Variants in PLXNA4 observed in about 807,000 individuals in gnomAD.
PLXNA4 encodes plexin A4, also known as plexin-A4.
PLXNA4 carries 44 observed loss-of-function variants against 191.8 expected under a neutral mutation model. That is an observed-to-expected ratio of 0.23 (90% confidence interval 0.18 to 0.29). The LOEUF (loss-of-function observed/expected upper bound fraction) is 0.29, where lower values mean the gene tolerates loss of function less well. PLXNA4 is among the 10% of genes least tolerant of loss of function. The pLI is 1.00. For missense variants in PLXNA4, 1,800 were observed against 2,488.8 expected, an observed-to-expected ratio of 0.72 and a Z score of 5.89; for synonymous variants, 1,082 against 1,009.5, an observed-to-expected ratio of 1.07 and a Z score of -1.36.
At chr7:132,645,522 T>C (rs980731334) in intron 2 of PLXNA4, among the ~76,000 whole-genome samples, 2 of 152,162 alleles carry the variant, frequency 1.3e-5, no homozygotes, top group African/African-American at 2.4e-5. Flanking sequence ...AATTACCCAG[T>C]CTTGGTTGTT....
intron 3 of PLXNA4, among the ~76,000 whole-genome samples, chr7:132,334,837 G>A (rs1370705863): frequency 6.6e-6 from 1 of 152,160 alleles, no homozygotes; most frequent in Non-Finnish European, 1.5e-5. Context: ...GCATTGAATG[G>A]CGCCATAACA....
At chr7:132,609,122 G>A (rs1474447841) in intron 2 of PLXNA4, among the ~76,000 whole-genome samples, 1 of 152,118 alleles carries the variant, frequency 6.6e-6, no homozygotes, top group African/African-American at 2.4e-5. Context: ...TTCCCAGTGG[G>A]ATTCATCACA....
intron 1 of PLXNA4, among the ~76,000 whole-genome samples, chr7:132,562,130 C>T (rs1326488018): frequency 8.6e-6 from 1 of 116,646 alleles, no homozygotes; most frequent in Non-Finnish European, 1.7e-5. Flanking sequence ...TCTCCTCCTC[C>T]TTCTCTCCTT....
intron 3 of PLXNA4, among the ~76,000 whole-genome samples, chr7:132,425,875 A>G (rs984840911): frequency 6.6e-6 from 1 of 152,180 alleles, no homozygotes; most frequent in Admixed American, 6.5e-5. Flanking sequence ...TCCCTCAGAC[A>G]GTTCCAGTGG....
At position 132,608,568 on chromosome 7, in the gene PLXNA4, T is replaced by C. The variant is rs550810197; in HGVS notation, c.-87+37360A>G. Among the ~76,000 whole-genome samples the C allele has an allele frequency of 2.6e-5, 4 of 152,248 alleles. No individual in the cohort carries two copies. In the East Asian group the frequency reaches 7.7e-4, roughly 29 times the overall value. Reference sequence around the variant, plus strand: ...AAGAAAGTCATAAGGCATTCACCCTTTGCCCTCTGACACTTACCCTGTGGC... The same window carrying C: ...AAGAAAGTCATAAGGCATTCACCCTCTGCCCTCTGACACTTACCCTGTGGC... On this transcript the variant is annotated intron_variant, in intron 2 of 4. Transcript: ENST00000378539.
At chr7:132,475,240 G>A (rs1346130212) in intron 3 of PLXNA4, among the ~76,000 whole-genome samples, 2 of 152,206 alleles carry the variant, frequency 1.3e-5, no homozygotes, top group Middle Eastern at 3.4e-3. Flanking sequence ...GCCCCTCCCA[G>A]CCCTCCTTGG....
At chr7:132,525,304 C>T (rs1239152051) in intron 1 of PLXNA4, among the ~76,000 whole-genome samples, 5 of 152,172 alleles carry the variant, frequency 3.3e-5, no homozygotes, top group South Asian at 2.1e-4. Flanking sequence ...GGCTGGCATG[C>T]AGTGGCATAA....
chr7:132,390,473 G>T (rs895032329), intron 3 of PLXNA4, among the ~76,000 whole-genome samples: 1 of 152,042 alleles, frequency 6.6e-6, no homozygotes, highest in African/African-American at 2.4e-5. Flanking sequence ...GTAGATGACC[G>T]GTTGATGAGT....
intron 1 of PLXNA4, among the ~76,000 whole-genome samples, chr7:132,575,598 C>T (rs1802189814): frequency 6.6e-6 from 1 of 152,148 alleles, no homozygotes; most frequent in East Asian, 1.9e-4. Flanking sequence ...AGAGGGGACC[C>T]AAGTCCTGTG....
In PLXNA4 at chr7:132,123,818, C is replaced by G. The variant is rs1488162513; in HGVS notation, c.*6661G>C. On this transcript the variant is annotated 3_prime_UTR_variant, in exon 32 of 32. Coordinates refer to ENST00000321063, the MANE Select transcript of PLXNA4 (RefSeq NM_020911.2). Reference sequence around the variant, plus strand: ...TGTGACTCAAAGACCCCTGCCGGTTCCTTAAACCACCCTTCCATCCTGTTT... The same window carrying G: ...TGTGACTCAAAGACCCCTGCCGGTTGCTTAAACCACCCTTCCATCCTGTTT... 1.3e-5 allele frequency: 2 copies of G among 152,272 alleles called. No homozygotes were observed. Among genetic ancestry groups the G allele is most frequent in the Non-Finnish European group, 2.9e-5 (2 of 68,108 alleles). 9.4% of individuals were successfully genotyped at this position (152,272 alleles called of 1,614,324 possible). A position where few individuals can be genotyped will look rare whatever the true frequency, so the allele number is the denominator to read the frequency against.
chr7:132,581,808 A>C (rs1163908641), upstream of PLXNA4, among the ~76,000 whole-genome samples: 2 of 151,278 alleles, frequency 1.3e-5, no homozygotes, highest in Non-Finnish European at 2.9e-5. Flanking sequence ...TCCAAGTCTT[A>C]CTCCCCTTCC....
chr7:132,187,690 C>A, intron 14 of PLXNA4, 83 bp from the exon 15 acceptor site: 1 of 1,485,068 alleles, frequency 6.7e-7, no homozygotes, highest in Middle Eastern at 2.2e-4. Context: ...GCACCCCACT[C>A]CCCCAAGCTG....
chr7:132,428,164 G>A (rs1209060698), intron 3 of PLXNA4, among the ~76,000 whole-genome samples: 1 of 152,130 alleles, frequency 6.6e-6, no homozygotes, highest in Non-Finnish European at 1.5e-5. Flanking sequence ...AGAGAACCCT[G>A]CAGTGAAGGG....
intron 2 of PLXNA4, among the ~76,000 whole-genome samples, chr7:132,634,899 A>T (rs1281431527): frequency 6.6e-6 from 1 of 152,194 alleles, no homozygotes; most frequent in Non-Finnish European, 1.5e-5. Context: ...GGGCCAGGAA[A>T]GGCAGGCCCA....
Position 132,146,718 on chromosome 7 carries a change from AC to A in PLXNA4, c.4865-19del, listed in dbSNP as rs544505364. 64 of 1,611,520 alleles carry A rather than the reference AC, an allele frequency of 4.0e-5. No individual in the cohort carries two copies. In the East Asian group the frequency reaches 1.2e-3, roughly 29 times the overall value. ...CATGTTTTCTGCCAAGGCAAGGATCACCCCCCGACATATGTGAGGCCACACA... is the reference window on the plus strand; with the variant it reads ...CATGTTTTCTGCCAAGGCAAGGATCACCCCCGACATATGTGAGGCCACACA... On this transcript the variant is annotated intron_variant, in intron 27 of 31. Coordinates refer to ENST00000321063, the MANE Select transcript of PLXNA4 (RefSeq NM_020911.2).
chr7:132,601,627 C>G (rs1259822687), intron 2 of PLXNA4, among the ~76,000 whole-genome samples: 1 of 152,164 alleles, frequency 6.6e-6, no homozygotes, highest in Non-Finnish European at 1.5e-5. Context: ...AGATAAAGTG[C>G]CTGGGTTCCT....
At position 132,508,783 on chromosome 7, in the gene PLXNA4, G is replaced by A; in HGVS notation, c.-86-4C>T. 1 of 1,436,204 alleles carries A rather than the reference G, an allele frequency of 7.0e-7. No individual in the cohort carries two copies. The allele number at this position is 1,436,204 out of a possible 1,614,324, so 89.0% of individuals were successfully genotyped here. A position where few individuals can be genotyped will look rare whatever the true frequency, so the allele number is the denominator to read the frequency against. ...CTCAGCAATGCAGTCTCCCCTACTG[G>A]AGAAAGGGAAGACAATGAGCTGGAT... is the stretch of plus-strand genomic sequence containing the variant. On this transcript the variant is annotated splice_region_variant and splice_polypyrimidine_tract_variant and intron_variant, in intron 1 of 31. Transcript: ENST00000321063. The surrounding 1 kb of genome is among the most constrained non-coding windows in gnomAD (Gnocchi z 4.4).
chr7:132,637,045 G>C (rs544002380), intron 2 of PLXNA4, among the ~76,000 whole-genome samples: 1 of 152,256 alleles, frequency 6.6e-6, no homozygotes, highest in East Asian at 1.9e-4. Context: ...GAAATGCTTG[G>C]AATGACAAGG....
intron 2 of PLXNA4, among the ~76,000 whole-genome samples, chr7:132,602,804 G>T (rs968258784): frequency 6.6e-6 from 1 of 152,178 alleles, no homozygotes; most frequent in Admixed American, 6.5e-5. Flanking sequence ...TGAGAAGGTC[G>T]TCAGACTCTC....
Sources: gnomAD v4.1 joint callset for allele counts (sites outside exome capture counted in the v4.1 genomes callset) on GRCh38, gnomAD v4.1.1 for gene constraint, Gnocchi (gnomAD v3.1) non-coding constraint, MANE v1.5 for transcripts, NCBI Gene and HGNC (gene_info 2026-07-23, HGNC 2026-07-21) for gene names.